The following ANKRD10 variants were observed in gnomAD, a reference collection of about 807,000 sequenced individuals.
ANKRD10 encodes ankyrin repeat domain 10, also known as ankyrin repeat domain-containing protein 10.
ANKRD10 carries 14 observed loss-of-function variants against 27.0 expected under a neutral mutation model. The ratio of observed to expected loss-of-function variants is 0.52; its 90% CI spans 0.34 to 0.81. ANKRD10 has a LOEUF of 0.81. Among genes scored for constraint, ANKRD10 ranks in the 40% least tolerant of loss-of-function variants. The pLI is 0.01. For missense variants in ANKRD10, 493 were observed against 544.0 expected, an observed-to-expected ratio of 0.91 and a Z score of 0.93; for synonymous variants, 250 against 224.5, an observed-to-expected ratio of 1.11 and a Z score of -1.01.
chr13:110,892,807 T>C (rs2065117240), intron 4 of ANKRD10: 1 of 1,319,834 alleles, frequency 7.6e-7, no homozygotes, highest in Non-Finnish European at 9.7e-7. Context: ...ACATAGACAT[T>C]TACACTTGGG....
Position 110,880,072 on chromosome 13 carries a change from A to C in ANKRD10, c.828T>G (p.Asn276Lys). ...NSSSVSNTLT[N>K]GCVINGHLDF... The stretch of plus-strand genomic sequence containing the variant: ...CCAAATGTCCATTGATGACACATCC[A>C]TTTGTCAATGTATTCGATACGGAGC... The change falls in exon 6 of 6, where the codon AAT (asparagine) becomes AAG (lysine). Residue 276 changes from asparagine (N) to lysine (K), a missense_variant. Coordinates refer to ENST00000267339, the MANE Select transcript of ANKRD10 (RefSeq NM_017664.4). 6.2e-7 allele frequency: 1 copy of C among 1,614,098 alleles called. No individual in the cohort carries two copies. Among genetic ancestry groups the C allele is most frequent in the Non-Finnish European group, 8.5e-7 (1 of 1,180,018 alleles).
At chr13:110,894,011 TGA>T in intron 3 of ANKRD10, 1 of 879,966 alleles carries the variant, frequency 1.1e-6, no homozygotes, top group Non-Finnish European at 1.8e-6. Context: ...AGGAAAGGTC[TGA>T]GACCTCTACA....
Position 110,879,821 on chromosome 13 carries a change from C to CG in ANKRD10, c.1078_1079insC (p.Ser360ThrfsTer2). ...AATGTCTTCCACCCAGGAAGGCCTA[C>CG]TGGCTATGCAGCTACTTGGACTCCC... On this transcript the variant is annotated frameshift_variant, in exon 6 of 6. Transcript: ENST00000267339. LOFTEE classifies it low-confidence loss of function (END_TRUNC). 1 of 1,614,252 alleles carries CG rather than the reference C, an allele frequency of 6.2e-7. No homozygotes were observed. Among genetic ancestry groups the CG allele is most frequent in the Non-Finnish European group, 8.5e-7 (1 of 1,180,038 alleles).
Position 110,914,855 on chromosome 13 carries a change from T to A in ANKRD10, c.80A>T (p.His27Leu). ...EELLSLRFPLHRACRDGDLAT... is the reference protein window; with the variant it reads ...EELLSLRFPLLRACRDGDLAT... The stretch of plus-strand genomic sequence containing the variant: ...CAGGTCCCCGTCGCGGCAGGCGCGG[T>A]GCAGCGGGAAACGGAGCGAGAGCAG... Residue 27 changes from histidine (H) to leucine (L), a missense_variant, in exon 1 of 6, where the codon CAC becomes CTC. His to Leu is a moderately conservative substitution (Grantham distance 99). Transcript: ENST00000267339. 6.4e-7 allele frequency: 1 copy of A among 1,562,970 alleles called. No individual in the cohort carries two copies. Among genetic ancestry groups the A allele is most frequent in the Admixed American group, 1.9e-5 (1 of 53,210 alleles).
At chr13:110,910,233 G>A (rs1367765719) in intron 2 of ANKRD10, among the ~76,000 whole-genome samples, 1 of 152,176 alleles carries the variant, frequency 6.6e-6, no homozygotes, top group African/African-American at 2.4e-5. Flanking sequence ...AGCTCACTTT[G>A]GAGCTGACTT....
intron 3 of ANKRD10, among the ~76,000 whole-genome samples, chr13:110,896,843 A>C (rs1244861043): frequency 1.3e-5 from 2 of 152,202 alleles, no homozygotes; most frequent in African/African-American, 2.4e-5. Context: ...AAATGTAGAA[A>C]CCATTCTTGG....
intron 4 of ANKRD10, among the ~76,000 whole-genome samples, chr13:110,890,360 G>T (rs1199218084): frequency 6.6e-6 from 1 of 151,528 alleles, no homozygotes; most frequent in Non-Finnish European, 1.5e-5. Flanking sequence ...ATGGTAAAAG[G>T]GGGGCAAAAA....
At chr13:110,897,985 C>T (rs1020643325) in intron 3 of ANKRD10, among the ~76,000 whole-genome samples, 1 of 152,174 alleles carries the variant, frequency 6.6e-6, no homozygotes, top group African/African-American at 2.4e-5. Flanking sequence ...TTCTGAAAAA[C>T]ATCTATTAAT....
chr13:110,884,099 A>C lies in ANKRD10; in HGVS notation c.692-306T>G, dbSNP rs529282133. ...TGAAGTGGTTATATAACCTGGAAAC[A>C]ATTCCAAACTCCATTTTCAAATTCA... On this transcript the variant is annotated intron_variant, in intron 4 of 5. Transcript: ENST00000267339. Among the ~76,000 whole-genome samples the C allele has an allele frequency of 1.1e-4, 17 of 151,938 alleles. No homozygotes were observed. In the East Asian group the frequency reaches 3.3e-3, roughly 29 times the overall value.
chr13:110,881,635 C>T (rs1470941162), intron 5 of ANKRD10, among the ~76,000 whole-genome samples: 1 of 152,020 alleles, frequency 6.6e-6, no homozygotes, highest in Non-Finnish European at 1.5e-5. Flanking sequence ...ACAAGTTATT[C>T]CCAGGGGAAA....
At chr13:110,914,234 G>A (rs1474389069) in intron 1 of ANKRD10, among the ~76,000 whole-genome samples, 2 of 152,152 alleles carry the variant, frequency 1.3e-5, no homozygotes, top group Non-Finnish European at 1.5e-5. Context: ...GGAACCAGAA[G>A]GTCGACCGCG....
intron 4 of ANKRD10, among the ~76,000 whole-genome samples, chr13:110,891,836 C>A (rs1353815769): frequency 2.7e-5 from 4 of 150,646 alleles, no homozygotes; most frequent in Non-Finnish European, 5.9e-5. Context: ...ACTAAATATG[C>A]CTGCCAAGCT....
In ANKRD10 at chr13:110,893,183, T is replaced by G; in HGVS notation, c.536A>C (p.Asn179Thr). 1.2e-6 allele frequency: 2 copies of G among 1,613,796 alleles called. No individual in the cohort carries two copies. The highest frequency in any genetic ancestry group is 1.3e-5 in the African/African-American group (1 of 74,884). ...ATGGTTCAGATGACAATTCTGGAGGTTCAAGAGAAACTGGGCACACTCTTG... is the reference window on the plus strand; with the variant it reads ...ATGGTTCAGATGACAATTCTGGAGGGTCAAGAGAAACTGGGCACACTCTTG... Reference protein sequence around the residue: ...GFQECAQFLLNLQNCHLNHFY... With the variant: ...GFQECAQFLLTLQNCHLNHFY... The change falls in exon 4 of 6, where the codon AAC becomes ACC. Residue 179 changes from asparagine (N) to threonine (T), a missense_variant. Transcript: ENST00000267339.
At chr13:110,892,908 C>A (rs2065120917) in intron 4 of ANKRD10, 120 bp downstream of exon 4, 5 of 1,472,598 alleles carry the variant, frequency 3.4e-6, no homozygotes, top group Admixed American at 2.5e-5. Flanking sequence ...GCACAATCCA[C>A]CAGGCGCATT....
At chr13:110,893,292 C>A in intron 3 of ANKRD10, 29 bp from the exon 4 acceptor site, 1 of 1,605,950 alleles carries the variant, frequency 6.2e-7, no homozygotes, top group South Asian at 1.1e-5. Context: ...CTGAATTACA[C>A]CCCATCCGCG....
At chr13:110,898,642 T>A (rs926174499) in intron 3 of ANKRD10, among the ~76,000 whole-genome samples, 1 of 152,076 alleles carries the variant, frequency 6.6e-6, no homozygotes, top group African/African-American at 2.4e-5. Flanking sequence ...CAATCACAGC[T>A]CACTGTAGCC....
intron 5 of ANKRD10, among the ~76,000 whole-genome samples, chr13:110,882,124 G>A (rs1277141586): frequency 6.6e-6 from 1 of 152,130 alleles, no homozygotes; most frequent in Non-Finnish European, 1.5e-5. Flanking sequence ...CCTCCTATCC[G>A]AGCCCTTTCC....
At position 110,880,027 on chromosome 13, in the gene ANKRD10, C is replaced by T. The variant is rs199529091; in HGVS notation, c.873G>A (p.Pro291=). ...CATTCCTGCTTTCCATCCCACTGAG[C>T]GGGGTCGTGGAGGGGAAGTCCAAAT... ...NGHLDFPSTT[P]LSGMESRNGQ... The change falls in exon 6 of 6, where the codon CCG becomes CCA. Residue 291 remains proline, a synonymous_variant. Transcript: ENST00000267339. 2.5e-6 allele frequency: 4 copies of T among 1,614,144 alleles called. No individual in the cohort carries two copies. The highest frequency in any genetic ancestry group is 2.7e-5 in the African/African-American group (2 of 75,024).
In ANKRD10 at chr13:110,890,187, T is replaced by C. The variant is rs182759046; in HGVS notation, c.691+2841A>G. Among the ~76,000 whole-genome samples the C allele has an allele frequency of 2.1e-4, 32 of 152,272 alleles. No homozygotes were observed. The East Asian group carries it at 6.0e-3, about 28-fold the overall frequency. ...GAAAACTAAAGCAACATATCTTTAA[T>C]TCAAAACTAAAAAACTGGTCAGTTA... On this transcript the variant is annotated intron_variant, in intron 4 of 5. Coordinates refer to ENST00000267339, the MANE Select transcript of ANKRD10 (RefSeq NM_017664.4).
Sources: gnomAD v4.1 joint callset for allele counts (sites outside exome capture counted in the v4.1 genomes callset) on GRCh38, gnomAD v4.1.1 for gene constraint, MANE v1.5 for transcripts, NCBI Gene and HGNC (gene_info 2026-07-23, HGNC 2026-07-21) for gene names.